The following CRLS1 variants were observed in gnomAD, a reference collection of about 807,000 sequenced individuals.
CRLS1 encodes cardiolipin synthase (CMP-forming).
A neutral mutation model predicts 37.0 loss-of-function variants in CRLS1; 24 were observed. The ratio of observed to expected loss-of-function variants is 0.65; its 90% CI spans 0.47 to 0.91. The LOEUF is 0.91. Ranked by LOEUF, CRLS1 falls within the 40% of genes least tolerant of loss-of-function variation. CRLS1 has a pLI of 0.00. For synonymous variants in CRLS1, 135 were observed against 159.7 expected (o/e 0.85, Z 1.17); for missense variants, 373 against 395.8 (o/e 0.94, Z 0.49).
chr20:6,027,337 G>A lies in CRLS1; in HGVS notation c.575-3948G>A, dbSNP rs539574437. On this transcript the variant is annotated intron_variant, in intron 3 of 6. Transcript: ENST00000378863. ...TGACCTCAGGTGATCCACCTGCCTC[G>A]GCCTCCCAAAGTGCTGGGATTACAG... 3.3e-3 allele frequency among the ~76,000 whole-genome samples: 494 copies of A among 150,632 alleles called. 2 individuals are homozygous for A. The highest frequency in any genetic ancestry group is 1.0e-2 in the African/African-American group (408 of 40,974).
rs1980767356 is a variant in CRLS1, at chr20:6,038,950, C to T, written c.*1792C>T. 6.6e-6 allele frequency: 1 copy of T among 152,182 alleles called. No homozygotes were observed. Among genetic ancestry groups the T allele is most frequent in the Non-Finnish European group, 1.5e-5 (1 of 68,034 alleles). 9.4% of individuals were successfully genotyped at this position (152,182 alleles called of 1,614,324 possible). A position where few individuals can be genotyped will look rare whatever the true frequency, so the allele number is the denominator to read the frequency against. ...TTTTGGATACTGAATTGTTATAAAA[C>T]ACATCAATTCTGCCAGTTTATAAAA... On this transcript the variant is annotated 3_prime_UTR_variant, in exon 7 of 7. Transcript: ENST00000378863.
At chr20:6,022,408 G>A (rs917147373) in intron 3 of CRLS1, among the ~76,000 whole-genome samples, 1 of 143,914 alleles carries the variant, frequency 6.9e-6, no homozygotes, top group Non-Finnish European at 1.5e-5. Flanking sequence ...GTGTGATCTC[G>A]GCTCACTGCA....
chr20:6,015,719 T>G (rs2122946478), intron 3 of CRLS1: 1 of 429,192 alleles, frequency 2.3e-6, no homozygotes, highest in East Asian at 4.7e-5. Flanking sequence ...GTAAGATTGT[T>G]TAAAATTAAA....
intron 3 of CRLS1, among the ~76,000 whole-genome samples, chr20:6,022,121 G>T (rs971253892): frequency 2.6e-5 from 4 of 151,978 alleles, no homozygotes; most frequent in Non-Finnish European, 5.9e-5. Context: ...TTTTCCTTTT[G>T]TCTGAAGTAT....
At position 6,009,880 on chromosome 20, in the gene CRLS1, G is replaced by A. The variant is rs6053827; in HGVS notation, c.412G>A (p.Gly138Arg). 7 of 1,613,882 alleles carry A rather than the reference G, an allele frequency of 4.3e-6. No individual in the cohort carries two copies. Among genetic ancestry groups the A allele is most frequent in the East Asian group, 2.2e-5 (1 of 44,866 alleles). The change falls in exon 2 of 7, where the codon GGA (glycine) becomes AGA (arginine). Residue 138 changes from glycine to arginine, a missense_variant. Transcript: ENST00000378863. ...IIEEDFNIALGVFALAGLTDL... is the reference protein window; with the variant it reads ...IIEEDFNIALRVFALAGLTDL... Reference sequence around the variant, plus strand: ...TGAAGAAGATTTTAATATTGCACTAGGAGTTTTTGCTTTAGCTGGACTAAC... The same window carrying A: ...TGAAGAAGATTTTAATATTGCACTAAGAGTTTTTGCTTTAGCTGGACTAAC...
intron 2 of CRLS1, among the ~76,000 whole-genome samples, chr20:6,014,022 C>G (rs75712021): frequency 6.6e-6 from 1 of 152,184 alleles, no homozygotes; most frequent in South Asian, 2.1e-4. Context: ...TTCCAAGGTC[C>G]CAGCTCCCCA....
chr20:6,007,494 G>A, intron 1 of CRLS1: 1 of 1,339,846 alleles, frequency 7.5e-7, no homozygotes, highest in Non-Finnish European at 1.1e-6. Flanking sequence ...AAATTAATGA[G>A]ACACCTTAAC....
At chr20:6,025,079 A>G (rs1294566447) in intron 3 of CRLS1, among the ~76,000 whole-genome samples, 4 of 152,250 alleles carry the variant, frequency 2.6e-5, no homozygotes, top group East Asian at 1.9e-4. Context: ...CTAGCTAATG[A>G]TGAGGGTGGC....
intron 1 of CRLS1, 34 bp downstream of exon 1, chr20:6,006,586 T>A: frequency 1.6e-6 from 2 of 1,250,588 alleles, no homozygotes; most frequent in Middle Eastern, 3.1e-4. Flanking sequence ...GGGCCGGCCC[T>A]GGGCTGGGGT....
intron 1 of CRLS1, 181 bp downstream of exon 1, chr20:6,006,733 G>T: frequency 1.0e-6 from 1 of 985,322 alleles, no homozygotes; most frequent in African/African-American, 1.7e-5. Flanking sequence ...TCACCAGCGG[G>T]GTCCACCTAC....
rs2122889017 is a variant in CRLS1 at position 6,006,223 on chromosome 20, A to T, written c.-24A>T. The T allele has an allele frequency of 8.3e-7, 1 of 1,205,814 alleles. No individual in the cohort carries two copies. The highest frequency in any genetic ancestry group is 1.0e-6 in the Non-Finnish European group (1 of 967,942). 74.7% of individuals were successfully genotyped at this position (1,205,814 alleles called of 1,614,324 possible). ...GGCTGCTGAGCTCTCGCCGCCCGAG[A>T]CCCCGCGGCGCGGCCGCAGGGCCAT... On this transcript the variant is annotated 5_prime_UTR_variant, in exon 1 of 7. Transcript: ENST00000378863.
At position 6,015,378 on chromosome 20, in the gene CRLS1, T is replaced by C; in HGVS notation, c.462T>C (p.Ala154=). 1 of 1,597,146 alleles carries C rather than the reference T, an allele frequency of 6.3e-7. No individual in the cohort carries two copies. The highest frequency in any genetic ancestry group is 8.5e-7 in the Non-Finnish European group (1 of 1,170,794). ...ATTTTCAGTTGGATGGATTTATTGC[T>C]CGAAACTGGGCCAATCAAAGATCAG... ...GLTDLLDGFI[A]RNWANQRSAL... is the part of the protein sequence containing the mutation. The change falls in exon 3 of 7, where the codon GCT becomes GCC. Residue 154 remains alanine, a synonymous_variant. Coordinates refer to ENST00000378863, the MANE Select transcript of CRLS1 (RefSeq NM_019095.6).
intron 3 of CRLS1, among the ~76,000 whole-genome samples, chr20:6,030,067 CTT>C (rs1980029341): frequency 6.7e-6 from 1 of 150,154 alleles, no homozygotes; most frequent in Non-Finnish European, 1.5e-5. Flanking sequence ...TTATTTTTAT[CTT>C]TATTTATTTG....
At chr20:6,007,195 T>C (rs1600341961) in intron 1 of CRLS1, 1 of 1,411,370 alleles carries the variant, frequency 7.1e-7, no homozygotes, top group Non-Finnish European at 9.3e-7. Context: ...GCAAGACTCA[T>C]GCAATTATTA....
At chr20:6,008,072 T>C (rs961622166) in intron 1 of CRLS1, among the ~76,000 whole-genome samples, 3 of 148,684 alleles carry the variant, frequency 2.0e-5, no homozygotes, top group Non-Finnish European at 3.0e-5. Context: ...AACACAGACA[T>C]AGTGTCTTTA....
Position 6,037,720 on chromosome 20 carries a change from A to G in CRLS1, c.*562A>G, listed in dbSNP as rs1980667820. The stretch of plus-strand genomic sequence containing the variant: ...ATTAAAAATGCGGTAACTTTTTAAG[A>G]TAATAATCATACAGAAGGTATGAAG... On this transcript the variant is annotated 3_prime_UTR_variant, in exon 7 of 7. Transcript: ENST00000378863. 1 of 152,252 alleles carries G rather than the reference A, an allele frequency of 6.6e-6. No homozygotes were observed. Among genetic ancestry groups the G allele is most frequent in the Non-Finnish European group, 1.5e-5 (1 of 68,042 alleles). The allele number at this position is 152,252 out of a possible 1,614,324, so 9.4% of individuals were successfully genotyped here.
chr20:6,021,719 TA>T (rs1979302447), intron 3 of CRLS1, among the ~76,000 whole-genome samples: 1 of 152,236 alleles, frequency 6.6e-6, no homozygotes, highest in African/African-American at 2.4e-5. Context: ...TTGTGATTGA[TA>T]GATGTTTCAT....
intron 3 of CRLS1, chr20:6,023,356 GAGA>G (rs1169602532): frequency 7.2e-5 from 11 of 152,170 alleles, no homozygotes; most frequent in Non-Finnish European, 1.3e-4. Flanking sequence ...TTACTCACCA[GAGA>G]AGATTTTTTT....
intron 2 of CRLS1, among the ~76,000 whole-genome samples, chr20:6,012,113 A>G (rs1001693601): frequency 6.6e-6 from 1 of 151,938 alleles, no homozygotes; most frequent in African/African-American, 2.4e-5. Flanking sequence ...TTTACTAAAT[A>G]TATAAGATGA....
Sources: gnomAD v4.1 joint callset for allele counts (sites outside exome capture counted in the v4.1 genomes callset) on GRCh38, gnomAD v4.1.1 for gene constraint, MANE v1.5 for transcripts, NCBI Gene and HGNC (gene_info 2026-07-23, HGNC 2026-07-21) for gene names.